The following MAP3K21 variants were observed in gnomAD, a reference collection of about 807,000 sequenced individuals.
MAP3K21 encodes mitogen-activated protein kinase kinase kinase MLK4.
MAP3K21 carries 63 observed loss-of-function variants against 86.1 expected under a neutral mutation model. The ratio of observed to expected loss-of-function variants is 0.73; its 90% CI spans 0.60 to 0.90. The LOEUF is 0.90. Ranked by LOEUF, MAP3K21 falls within the 40% of genes least tolerant of loss-of-function variation. The probability of loss-of-function intolerance (pLI) is 0.00; values close to 1 mark genes in which losing one functional copy is unlikely to be tolerated. For missense variants in MAP3K21, 1,220 were observed against 1,367.7 expected (o/e 0.89, Z 1.70); for synonymous variants, 558 against 564.8 (o/e 0.99, Z 0.17).
chr1:233,336,536 G>A (rs564311597), intron 1 of MAP3K21, among the ~76,000 whole-genome samples: 129 of 75,468 alleles, frequency 1.7e-3, no homozygotes, highest in African/African-American at 5.4e-3. Flanking sequence ...GCCAGATGCC[G>A]TCAAATAAAT....
At chr1:233,366,133 G>A (rs760702564) in intron 5 of MAP3K21, among the ~76,000 whole-genome samples, 7 of 151,908 alleles carry the variant, frequency 4.6e-5, no homozygotes, top group East Asian at 3.9e-4. Context: ...ATGTGGGAGC[G>A]AAAAAAATTG....
intron 6 of MAP3K21, chr1:233,373,066 G>A (rs1001367864): frequency 6.6e-6 from 1 of 152,018 alleles, no homozygotes; most frequent in South Asian, 2.1e-4. Flanking sequence ...TCTTTTGCAA[G>A]TTCTCGGACA....
intron 9 of MAP3K21, among the ~76,000 whole-genome samples, chr1:233,381,414 C>A (rs1047572505): frequency 9.2e-5 from 14 of 152,122 alleles, no homozygotes; most frequent in Non-Finnish European, 2.1e-4. Flanking sequence ...ATTGCAATAA[C>A]CTTATATACC....
chr1:233,332,922 G>T (rs1266393894), intron 1 of MAP3K21, among the ~76,000 whole-genome samples: 3 of 151,850 alleles, frequency 2.0e-5, no homozygotes, highest in South Asian at 2.1e-4. Flanking sequence ...TACTTTTTAT[G>T]TCAGTGATTA....
Position 233,327,839 on chromosome 1 carries a change from G to A in MAP3K21, c.-190G>A. The A allele has an allele frequency of 2.5e-6, 1 of 395,454 alleles. No homozygotes were observed. Among genetic ancestry groups the A allele is most frequent in the South Asian group, 1.3e-4 (1 of 7,494 alleles). The allele number at this position is 395,454 out of a possible 1,614,324, so 24.5% of individuals were successfully genotyped here. On this transcript the variant is annotated 5_prime_UTR_variant, in exon 1 of 10. Transcript: ENST00000366624. The stretch of plus-strand genomic sequence containing the variant: ...GACCGCTGCGGCAGCAGAGGCGGCT[G>A]GCCAGGAACGCGGGCCGAGGCTGGA...
intron 5 of MAP3K21, among the ~76,000 whole-genome samples, chr1:233,371,590 C>A (rs146501385): frequency 1.3e-5 from 2 of 152,108 alleles, no homozygotes; most frequent in South Asian, 4.1e-4. Context: ...GAACTTCTAG[C>A]CTCAAGTGAT....
At chr1:233,338,242 T>C (rs2102759410) in intron 1 of MAP3K21, among the ~76,000 whole-genome samples, 1 of 152,382 alleles carries the variant, frequency 6.6e-6, no homozygotes, top group East Asian at 1.9e-4. Flanking sequence ...TTATCACATC[T>C]GTTTTTTCTT....
chr1:233,357,213 T>C (rs1663376070), intron 4 of MAP3K21, among the ~76,000 whole-genome samples: 1 of 152,024 alleles, frequency 6.6e-6, no homozygotes, highest in South Asian at 2.1e-4. Context: ...ATGAGAACGC[T>C]TGGACACAGG....
In MAP3K21 at chr1:233,382,582, C is replaced by T; in HGVS notation, c.2982C>T (p.Ser994=). 6.2e-7 allele frequency: 1 copy of T among 1,614,198 alleles called. No individual in the cohort carries two copies. ...QFLAAKERTK[S]HVPSLLDADV... ...TCGCTGCCAAGGAGAGAACTAAATC[C>T]CATGTGCCTTCATTACTGGATGCTG... Residue 994 remains serine, a synonymous_variant, in exon 10 of 10, where the codon TCC becomes TCT. Transcript: ENST00000366624.
chr1:233,361,337 C>G (rs1342250141), intron 4 of MAP3K21, among the ~76,000 whole-genome samples: 1 of 152,142 alleles, frequency 6.6e-6, no homozygotes, highest in Non-Finnish European at 1.5e-5. Context: ...TTAGCTAACT[C>G]CTGAGATGTG....
intron 1 of MAP3K21, among the ~76,000 whole-genome samples, chr1:233,339,264 CTTCCTCTTCT>C (rs1662977060): frequency 5.8e-5 from 2 of 34,214 alleles, no homozygotes; most frequent in Non-Finnish European, 1.2e-4. Flanking sequence ...TCTTCTTCTT[CTTCCTCTTCT>C]TCTTCTTCTT....
chr1:233,336,871 A>G (rs1464569260), intron 1 of MAP3K21, among the ~76,000 whole-genome samples: 1 of 152,234 alleles, frequency 6.6e-6, no homozygotes, highest in Non-Finnish European at 1.5e-5. Flanking sequence ...TACAGACTAT[A>G]TCCAAATCAA....
At chr1:233,381,109 G>T (rs1663905152) in intron 9 of MAP3K21, among the ~76,000 whole-genome samples, 1 of 152,132 alleles carries the variant, frequency 6.6e-6, no homozygotes, top group South Asian at 2.1e-4. Flanking sequence ...GTGATGCTGG[G>T]GAAATTACGT....
intron 5 of MAP3K21, among the ~76,000 whole-genome samples, chr1:233,370,708 G>C (rs911098992): frequency 6.6e-6 from 1 of 152,206 alleles, no homozygotes; most frequent in African/African-American, 2.4e-5. Context: ...GGTAGAACCA[G>C]TTCAAATGAG....
chr1:233,381,249 C>A (rs1430556105), intron 9 of MAP3K21, among the ~76,000 whole-genome samples: 2 of 152,140 alleles, frequency 1.3e-5, no homozygotes, highest in South Asian at 2.1e-4. Flanking sequence ...ACATTTTGTG[C>A]CTCAGTTTCT....
chr1:233,381,854 A>G (rs1663921435), intron 9 of MAP3K21, among the ~76,000 whole-genome samples: 1 of 152,216 alleles, frequency 6.6e-6, no homozygotes, highest in Non-Finnish European at 1.5e-5. Context: ...CATAATCTAC[A>G]GTGAAGTTTA....
chr1:233,364,318 A>G (rs1222532207), intron 5 of MAP3K21, among the ~76,000 whole-genome samples: 1 of 152,148 alleles, frequency 6.6e-6, no homozygotes, highest in Non-Finnish European at 1.5e-5. Flanking sequence ...CACATAGAGG[A>G]AAGAAAAATC....
rs958354182 is a variant in MAP3K21 at position 233,385,126 on chromosome 1, A to C, written c.*2415A>C. On this transcript the variant is annotated 3_prime_UTR_variant, in exon 10 of 10. Transcript: ENST00000366624. ...TTGTCTATTTTTTTAATAAACTTTT[A>C]TAGCTGGTCTATTTGCTCAGTAGCT... 5 of 152,214 alleles carry C rather than the reference A, an allele frequency of 3.3e-5. No homozygotes were observed. Among genetic ancestry groups the C allele is most frequent in the African/African-American group, 9.6e-5 (4 of 41,454 alleles). The allele number at this position is 152,214 out of a possible 1,614,324, so 9.4% of individuals were successfully genotyped here. A position where few individuals can be genotyped will look rare whatever the true frequency, so the allele number is the denominator to read the frequency against.
intron 1 of MAP3K21, among the ~76,000 whole-genome samples, chr1:233,332,394 C>A (rs1386366384): frequency 6.6e-6 from 1 of 151,940 alleles, no homozygotes; most frequent in Non-Finnish European, 1.5e-5. Context: ...CAAGCAAAGA[C>A]CCAGGCAAAG....
Sources: allele counts gnomAD v4.1 joint callset (sites outside exome capture counted in the v4.1 genomes callset), GRCh38; gene constraint gnomAD v4.1.1; transcripts MANE v1.5; gene names NCBI Gene and HGNC (gene_info 2026-07-23, HGNC 2026-07-21).